Variants in ARHGAP21 observed in about 807,000 individuals in gnomAD.
ARHGAP21 encodes Rho GTPase activating protein 21, also known as rho GTPase-activating protein 21.
A neutral mutation model predicts 164.6 loss-of-function variants in ARHGAP21; 38 were observed. The ratio of observed to expected loss-of-function variants is 0.23; its 90% CI spans 0.18 to 0.30. The LOEUF is 0.30. Ranked by LOEUF, ARHGAP21 falls within the 10% of genes least tolerant of loss-of-function variation. The pLI is 1.00. For missense variants in ARHGAP21, 1,822 were observed against 2,370.7 expected (o/e 0.77, Z 4.81); for synonymous variants, 766 against 857.9 (o/e 0.89, Z 1.87).
chr10:24,659,630 T>A (rs1354561245), intron 4 of ARHGAP21, among the ~76,000 whole-genome samples: 2 of 152,226 alleles, frequency 1.3e-5, no homozygotes, highest in African/African-American at 4.8e-5. Flanking sequence ...TCCTCTTTCT[T>A]ACGTATTTTC....
At chr10:24,686,011 T>C (rs2131945465) in intron 2 of ARHGAP21, among the ~76,000 whole-genome samples, 1 of 152,330 alleles carries the variant, frequency 6.6e-6, no homozygotes, top group Non-Finnish European at 1.5e-5. Flanking sequence ...CCTATAAACC[T>C]ACTTGGCAAT....
rs10530408 is a variant in ARHGAP21, at chr10:24,622,433, C to CATATAT, written c.525+294_525+299dup. Among the ~76,000 whole-genome samples, 331 of 89,580 alleles carry CATATAT rather than the reference C, an allele frequency of 3.7e-3. 4 individuals are homozygous for CATATAT. The highest frequency in any genetic ancestry group is 5.5e-3 in the Non-Finnish European group (246 of 44,794). 58.8% of individuals were successfully genotyped at this position (89,580 alleles called of 152,430 possible). On this transcript the variant is annotated intron_variant, in intron 8 of 25. Transcript: ENST00000396432. ...GGAAGAGGGTGAGATACTTAAAAAA[C>CATATAT]ATATATATATATATATATATATATA...
rs565872094 is a variant in ARHGAP21 at position 24,624,337 on chromosome 10, C to CTTTTTTTTTTTTT, written c.496-1588_496-1576dup. 1.6e-4 allele frequency among the ~76,000 whole-genome samples: 16 copies of CTTTTTTTTTTTTT among 102,878 alleles called. 1 individual carries two copies. Among genetic ancestry groups the CTTTTTTTTTTTTT allele is most frequent in the Admixed American group, 2.4e-4 (2 of 8,420 alleles). 67.5% of individuals were successfully genotyped at this position (102,878 alleles called of 152,430 possible). ...CTGCCTGGGAAATGCTGTTCTAGAA[C>CTTTTTTTTTTTTT]TTTTTTTTTTTTTTTTTTTTGAGAC... On this transcript the variant is annotated intron_variant, in intron 7 of 25. Coordinates refer to ENST00000396432, the MANE Select transcript of ARHGAP21 (RefSeq NM_020824.4).
At chr10:24,588,390 G>A (rs1327416715) in intron 25 of ARHGAP21, among the ~76,000 whole-genome samples, 1 of 152,184 alleles carries the variant, frequency 6.6e-6, no homozygotes, top group East Asian at 1.9e-4. Context: ...CAGCTTTAGG[G>A]TAAAGGATTT....
chr10:24,667,184 C>CA (rs1378296050), intron 3 of ARHGAP21, among the ~76,000 whole-genome samples, 175 bp from the exon 4 acceptor site: 2 of 152,150 alleles, frequency 1.3e-5, no homozygotes, highest in Non-Finnish European at 2.9e-5. Context: ...AGCTCAAAAG[C>CA]AAACGTATAG....
chr10:24,670,061 C>A (rs1031316342), intron 3 of ARHGAP21, among the ~76,000 whole-genome samples, 157 bp downstream of exon 3: 2 of 151,886 alleles, frequency 1.3e-5, no homozygotes, highest in African/African-American at 4.8e-5. Context: ...TGGGAAAATA[C>A]CTAAAAGGAG....
intron 9 of ARHGAP21, among the ~76,000 whole-genome samples, chr10:24,611,184 A>C (rs1368031976): frequency 6.6e-6 from 1 of 152,214 alleles, no homozygotes; most frequent in Non-Finnish European, 1.5e-5. Flanking sequence ...TATCCCTCTC[A>C]ATCCACAGAG....
rs781062009 is a variant in ARHGAP21 at position 24,619,808 on chromosome 10, G to C, written c.2087C>G (p.Ser696Trp). The C allele has an allele frequency of 6.2e-7, 1 of 1,614,044 alleles. No individual in the cohort carries two copies. The highest frequency in any genetic ancestry group is 8.5e-7 in the Non-Finnish European group (1 of 1,180,020). The change falls in exon 9 of 26, where the codon TCG becomes TGG. Residue 696 changes from serine (S) to tryptophan (W), a missense_variant. Ser to Trp is a radical substitution (Grantham distance 177). This residue lies in a region of ARHGAP21 where 1,090 missense variants were observed against 1,378.9 expected (regional missense o/e 0.79). Transcript: ENST00000396432. The part of the protein sequence containing the change: ...SGASAKPAPQ[S>W]SENAGTSDLE... ...ATCTGAAGTACCAGCGTTTTCACTC[G>C]ACTGAGGGGCAGGCTTGGCAGAGGC...
intron 4 of ARHGAP21, among the ~76,000 whole-genome samples, chr10:24,635,457 T>G (rs1431755575): frequency 6.6e-6 from 1 of 152,210 alleles, no homozygotes; most frequent in Non-Finnish European, 1.5e-5. Flanking sequence ...AGGGATTAAA[T>G]AAAGTCTCCA....
At chr10:24,589,029 C>G (rs2076221963) in intron 25 of ARHGAP21, among the ~76,000 whole-genome samples, 1 of 151,934 alleles carries the variant, frequency 6.6e-6, no homozygotes, top group Non-Finnish European at 1.5e-5. Context: ...TAAAGAATGG[C>G]CTAGTTCTTT....
rs1218171565 is a variant in ARHGAP21 at position 24,602,110 on chromosome 10, A to C, written c.2722-7T>G. On this transcript the variant is annotated splice_region_variant and splice_polypyrimidine_tract_variant and intron_variant, in intron 12 of 25. Transcript: ENST00000396432. ...ACTTTTGGCTGTCTGCGATCTATAG[A>C]AAAGACCAAGAAAACAGTAAAATGT... is the stretch of plus-strand genomic sequence containing the variant. 4 of 1,611,132 alleles carry C rather than the reference A, an allele frequency of 2.5e-6. No individual in the cohort carries two copies. The highest frequency in any genetic ancestry group is 2.7e-5 in the African/African-American group (2 of 74,792).
At position 24,685,649 on chromosome 10, in the gene ARHGAP21, G is replaced by C. The variant is rs554830719; in HGVS notation, c.64-15252C>G. Reference sequence around the variant, plus strand: ...CCAGCACTTTGGGAGGCCGAGGTGGGCGGATCACTTGAGGTCAGGAGTTCA... The same window carrying C: ...CCAGCACTTTGGGAGGCCGAGGTGGCCGGATCACTTGAGGTCAGGAGTTCA... On this transcript the variant is annotated intron_variant, in intron 2 of 25. Transcript: ENST00000396432. Among the ~76,000 whole-genome samples the C allele has an allele frequency of 3.3e-5, 5 of 152,288 alleles. No individual in the cohort carries two copies. In the South Asian group the frequency reaches 1.0e-3, roughly 32 times the overall value.
At chr10:24,660,609 AAT>A (rs972433237) in intron 4 of ARHGAP21, among the ~76,000 whole-genome samples, 5 of 152,132 alleles carry the variant, frequency 3.3e-5, no homozygotes, top group African/African-American at 1.2e-4. Flanking sequence ...GTTACTGCTG[AAT>A]ATCACTCCAA....
chr10:24,696,475 G>T (rs1211034056), intron 2 of ARHGAP21, among the ~76,000 whole-genome samples: 1 of 152,170 alleles, frequency 6.6e-6, no homozygotes, highest in Non-Finnish European at 1.5e-5. Flanking sequence ...AGCATTCAGG[G>T]GCAGTAGGTA....
chr10:24,654,984 A>T (rs1487114124), intron 4 of ARHGAP21, among the ~76,000 whole-genome samples: 9 of 152,236 alleles, frequency 5.9e-5, no homozygotes. Flanking sequence ...CAACCATCTG[A>T]TCTTTGACAA....
At chr10:24,654,783 T>C (rs1025813675) in intron 4 of ARHGAP21, among the ~76,000 whole-genome samples, 11 of 152,284 alleles carry the variant, frequency 7.2e-5, no homozygotes, top group African/African-American at 2.6e-4. Flanking sequence ...AAAATTCATA[T>C]GGAACCAAAA....
Position 24,626,814 on chromosome 10 carries a change from TACA to T in ARHGAP21, c.495+3179_495+3181del, listed in dbSNP as rs573503944. Among the ~76,000 whole-genome samples, 22 of 152,330 alleles carry T rather than the reference TACA, an allele frequency of 1.4e-4. No individual in the cohort carries two copies. The East Asian group carries it at 4.2e-3, about 29-fold the overall frequency. ...TCTAAGATACCAGAGTCTAAAATAT[TACA>T]ACAAAATACTGTTAAAATGATTAAA... On this transcript the variant is annotated intron_variant, in intron 7 of 25. Coordinates refer to ENST00000396432, the MANE Select transcript of ARHGAP21 (RefSeq NM_020824.4).
intron 9 of ARHGAP21, among the ~76,000 whole-genome samples, chr10:24,608,328 T>C (rs2077117838): frequency 6.6e-6 from 1 of 152,146 alleles, no homozygotes; most frequent in Non-Finnish European, 1.5e-5. Flanking sequence ...AAAGCATTAA[T>C]TCCTAAAACC....
At position 24,584,593 on chromosome 10, in the gene ARHGAP21, G is replaced by A; in HGVS notation, c.5696C>T (p.Ser1899Phe). The A allele has an allele frequency of 6.2e-7, 1 of 1,613,954 alleles. No homozygotes were observed. The highest frequency in any genetic ancestry group is 1.7e-5 in the Admixed American group (1 of 60,022). The change falls in exon 26 of 26, where the codon TCT (serine) becomes TTT (phenylalanine). Residue 1899 changes from serine to phenylalanine, a missense_variant. Physicochemically the swap from Ser to Phe is radical, Grantham distance 155. Around this residue, in one of 5 missense-constraint regions of ARHGAP21, gnomAD observed 165 missense variants for 176.6 expected, o/e 0.93. Coordinates refer to ENST00000396432, the MANE Select transcript of ARHGAP21 (RefSeq NM_020824.4). ...PLSLHCNTGSSSSTLASTNRP... is the reference protein window; with the variant it reads ...PLSLHCNTGSFSSTLASTNRP... ...GTTTGTTGAAGCCAAGGTGCTGGAA[G>A]AACTGCCTGTGTTGCAATGAAGAGA... is the stretch of plus-strand genomic sequence containing the variant.
Sources: gnomAD v4.1 joint callset for allele counts (sites outside exome capture counted in the v4.1 genomes callset) on GRCh38, gnomAD v4.1.1 for gene constraint, gnomAD v4.1.1 regional missense constraint, MANE v1.5 for transcripts, NCBI Gene and HGNC (gene_info 2026-07-23, HGNC 2026-07-21) for gene names.